The following ANO3 variants were observed in gnomAD, a reference collection of about 807,000 sequenced individuals.
ANO3 encodes the protein anoctamin 3, also known as anoctamin-3.
In ANO3, 99 loss-of-function variants were observed where a neutral mutation model predicts 144.8. The ratio of observed to expected loss-of-function variants is 0.68; its 90% confidence interval spans 0.58 to 0.81. ANO3 has a LOEUF of 0.81. Ranked by LOEUF, ANO3 falls within the 30% of genes least tolerant of loss-of-function variation. The pLI is 0.00. For synonymous variants in ANO3, 414 were observed against 392.6 expected (o/e 1.05, Z -0.64); for missense variants, 905 against 1,202.2 (o/e 0.75, Z 3.66).
intron 14 of ANO3, among the ~76,000 whole-genome samples, chr11:26,594,777 A>C (rs1340857839): frequency 6.6e-6 from 1 of 152,090 alleles, no homozygotes; most frequent in African/African-American, 2.4e-5. Flanking sequence ...CATAATTGAG[A>C]GTTTTCTCTT....
At chr11:26,478,784 G>A (rs1425001588) in intron 4 of ANO3, among the ~76,000 whole-genome samples, 1 of 151,986 alleles carries the variant, frequency 6.6e-6, no homozygotes, top group Non-Finnish European at 1.5e-5. Context: ...CTAGCTGATT[G>A]GTTATATAAC....
chr11:26,363,060 T>C (rs539946766), intron 1 of ANO3, among the ~76,000 whole-genome samples: 3 of 152,290 alleles, frequency 2.0e-5, no homozygotes, highest in Admixed American at 6.5e-5. Context: ...AAAACCTCAG[T>C]TGGTTGGCAT....
chr11:26,373,648 T>C (rs1168096071), intron 1 of ANO3, among the ~76,000 whole-genome samples: 2 of 152,214 alleles, frequency 1.3e-5, no homozygotes, highest in Non-Finnish European at 2.9e-5. Context: ...CTCAACAAGT[T>C]GCAGATATAT....
intron 1 of ANO3, among the ~76,000 whole-genome samples, chr11:26,422,064 T>C (rs927820850): frequency 3.3e-5 from 5 of 152,040 alleles, no homozygotes; most frequent in Non-Finnish European, 7.4e-5. Context: ...AGTTTACCTA[T>C]GTAACAAACC....
chr11:26,537,885 C>T (rs1016050267), intron 10 of ANO3, among the ~76,000 whole-genome samples: 2 of 152,160 alleles, frequency 1.3e-5, no homozygotes, highest in African/African-American at 4.8e-5. Flanking sequence ...TTATTACCTC[C>T]CTACAGGTTT....
At chr11:26,621,106 C>T (rs973026027) in intron 17 of ANO3, among the ~76,000 whole-genome samples, 2 of 152,282 alleles carry the variant, frequency 1.3e-5, no homozygotes, top group Non-Finnish European at 2.9e-5. Flanking sequence ...CCATGTAGAA[C>T]TGCCTAATAT....
At chr11:26,304,481 T>C (rs1488460948) in intron 1 of ANO3, among the ~76,000 whole-genome samples, 3 of 152,176 alleles carry the variant, frequency 2.0e-5, no homozygotes, top group Non-Finnish European at 4.4e-5. Context: ...CCAAAGACAC[T>C]GTACACAGGT....
At chr11:26,610,158 G>T (rs945443100) in intron 17 of ANO3, among the ~76,000 whole-genome samples, 32 of 152,184 alleles carry the variant, frequency 2.1e-4, no homozygotes, top group African/African-American at 7.5e-4. Flanking sequence ...TGATTCGCCT[G>T]CCTCAGCCTT....
At chr11:26,451,867 C>T (rs1454802136) in intron 3 of ANO3, among the ~76,000 whole-genome samples, 2 of 152,178 alleles carry the variant, frequency 1.3e-5, no homozygotes, top group East Asian at 1.9e-4. Context: ...CTCACATGGC[C>T]GGGTACTCCT....
intron 1 of ANO3, among the ~76,000 whole-genome samples, chr11:26,281,349 A>G (rs1853675007): frequency 6.6e-6 from 1 of 152,162 alleles, no homozygotes; most frequent in Admixed American, 6.6e-5. Flanking sequence ...CACGTTTGAA[A>G]GAGCATTTCC....
chr11:26,544,694 C>T (rs1407354448), intron 11 of ANO3, among the ~76,000 whole-genome samples: 4 of 140,690 alleles, frequency 2.8e-5, no homozygotes, highest in Non-Finnish European at 6.2e-5. Flanking sequence ...ATCACACATG[C>T]AATAAATATG....
chr11:26,536,177 G>A (rs970388300), intron 9 of ANO3, among the ~76,000 whole-genome samples: 3 of 151,872 alleles, frequency 2.0e-5, no homozygotes, highest in Admixed American at 6.6e-5. Context: ...AAATTAGCCA[G>A]GCACAATGGT....
chr11:26,597,421 C>T (rs1182993427), intron 14 of ANO3, among the ~76,000 whole-genome samples: 10 of 152,190 alleles, frequency 6.6e-5, no homozygotes, highest in East Asian at 1.9e-4. Context: ...GCAGGAACAA[C>T]GGCAAGCCTC....
chr11:26,360,728 C>T (rs570179673), intron 1 of ANO3, among the ~76,000 whole-genome samples: 2 of 152,170 alleles, frequency 1.3e-5, no homozygotes, highest in East Asian at 3.9e-4. Context: ...TTTCTCTGCT[C>T]TACTTTGTCA....
At chr11:26,542,627 T>G (rs1849674986) in intron 11 of ANO3, among the ~76,000 whole-genome samples, 1 of 152,120 alleles carries the variant, frequency 6.6e-6, no homozygotes, top group South Asian at 2.1e-4. Flanking sequence ...GACTAACACA[T>G]GTTTCACATG....
intron 1 of ANO3, among the ~76,000 whole-genome samples, chr11:26,216,951 T>C (rs1030411589): frequency 3.3e-5 from 5 of 152,070 alleles, no homozygotes; most frequent in Admixed American, 2.0e-4. Flanking sequence ...AGTTTTTCTA[T>C]GGTTTGTATA....
chr11:26,520,981 G>T (rs117866509), intron 6 of ANO3, among the ~76,000 whole-genome samples: 113 of 152,170 alleles, frequency 7.4e-4, no homozygotes, highest in Non-Finnish European at 1.2e-3. Flanking sequence ...AAGAGTTTGA[G>T]AACTGCTTGG....
chr11:26,660,174 C>A, intron 26 of ANO3, 88 bp from the exon 27 acceptor site: 2 of 1,210,494 alleles, frequency 1.7e-6, no homozygotes, highest in Non-Finnish European at 2.4e-6. Flanking sequence ...TGATTCAAGG[C>A]AAATGCAACA....
Position 26,202,282 on chromosome 11 carries a change from T to A in ANO3, c.154+12952T>A, listed in dbSNP as rs1290157541. On this transcript the variant is annotated intron_variant, in intron 1 of 27. Transcript: ENST00000672621. The stretch of plus-strand genomic sequence containing the variant: ...ATATTAATATCTATATAATATATAT[T>A]ATATATAATATAGATACATATTATA... Among the ~76,000 whole-genome samples the A allele has an allele frequency of 5.5e-5, 8 of 144,356 alleles. No homozygotes were observed. In the South Asian group the frequency reaches 6.3e-4, roughly 11 times the overall value. The allele number at this position is 144,356 out of a possible 152,430, so 94.7% of individuals were successfully genotyped here.
Sources: allele counts gnomAD v4.1 joint callset (sites outside exome capture counted in the v4.1 genomes callset), GRCh38; gene constraint gnomAD v4.1.1; transcripts MANE v1.5; gene names NCBI Gene and HGNC (gene_info 2026-07-23, HGNC 2026-07-21).